Variants in STMN1 observed in about 807,000 individuals in gnomAD.
STMN1 encodes the protein stathmin 1.
Under a neutral mutation model 19.7 loss-of-function variants are expected in STMN1, and 3 were observed. The ratio of observed to expected loss-of-function variants is 0.15; its 90% CI spans 0.07 to 0.39. The LOEUF (loss-of-function observed/expected upper bound fraction) is 0.39. Ranked by LOEUF, STMN1 falls within the 10% of genes least tolerant of loss-of-function variation. The probability of loss-of-function intolerance (pLI) is 1.00; values close to 1 mark genes in which losing one functional copy is unlikely to be tolerated. For synonymous variants in STMN1, 59 were observed against 58.9 expected (o/e 1.00, Z -0.01); for missense variants, 99 against 176.0 (o/e 0.56, Z 2.48).
In STMN1 at chr1:25,900,185, G is replaced by A. The variant is rs2048855035; in HGVS notation, c.*831C>T. 7.1e-6 allele frequency: 7 copies of A among 985,826 alleles called. No individual in the cohort carries two copies. The South Asian group carries it at 3.3e-4, about 46-fold the overall frequency. The allele number at this position is 985,826 out of a possible 1,614,324, so 61.1% of individuals were successfully genotyped here. A position where few individuals can be genotyped will look rare whatever the true frequency, so the allele number is the denominator to read the frequency against. ...TGTCATAGCTTTTATGGCAGGAAAGGATGAGGACATGCCCCACCTGTAACG... is the reference window on the plus strand; with the variant it reads ...TGTCATAGCTTTTATGGCAGGAAAGAATGAGGACATGCCCCACCTGTAACG... On this transcript the variant is annotated 3_prime_UTR_variant, in exon 5 of 5. Transcript: ENST00000455785.
intron 4 of STMN1, 29 bp from the exon 5 acceptor site, chr1:25,901,116 TCAA>T: frequency 6.1e-5 from 59 of 968,578 alleles, no homozygotes; most frequent in Admixed American, 4.1e-4. Context: ...GTGTCATCAG[TCAA>T]AAAAAAAAAA....
At chr1:25,887,384 G>A in intron 4 of STMN1, 1 of 304,420 alleles carries the variant, frequency 3.3e-6, no homozygotes, top group Non-Finnish European at 6.5e-6. Context: ...CAATCCCGAA[G>A]CTTTCCTCAG....
At chr1:25,890,737 C>T (rs1369424891) in intron 4 of STMN1, among the ~76,000 whole-genome samples, 1 of 152,156 alleles carries the variant, frequency 6.6e-6, no homozygotes, top group African/African-American at 2.4e-5. Context: ...CCAGGGTCTA[C>T]GGGACACACC....
downstream of STMN1, among the ~76,000 whole-genome samples, chr1:25,895,576 G>A (rs543270055): frequency 6.6e-5 from 10 of 152,334 alleles, no homozygotes; most frequent in South Asian, 2.1e-3. Context: ...CACAAGTCCC[G>A]CCTCAAGGGG....
chr1:25,905,730 C>T (rs2048935359), intron 1 of STMN1: 1 of 152,244 alleles, frequency 6.6e-6, no homozygotes, highest in Admixed American at 6.6e-5. Flanking sequence ...CCGCCAAAAA[C>T]ACCTCCAGGC....
chr1:25,892,808 T>C (rs1276202199), intron 4 of STMN1, among the ~76,000 whole-genome samples: 1 of 152,158 alleles, frequency 6.6e-6, no homozygotes, highest in Admixed American at 6.5e-5. Context: ...GGTGGGAGCC[T>C]GGGCCTCAGC....
chr1:25,890,076 AT>A lies in STMN1; in HGVS notation c.379-4208del, dbSNP rs548568231. Among the ~76,000 whole-genome samples, 9 of 152,300 alleles carry A rather than the reference AT, an allele frequency of 5.9e-5. No individual in the cohort carries two copies. The East Asian group carries it at 1.7e-3, about 29-fold the overall frequency. ...CCTTGTCTGCCTTGTCCATCGCTGT[AT>A]CCTCAGGACCTAACACTGCCTGGTA... On this transcript the variant is annotated intron_variant, in intron 4 of 4. Transcript: ENST00000426559.
downstream of STMN1, among the ~76,000 whole-genome samples, chr1:25,895,190 C>A (rs2048808363): frequency 6.7e-6 from 1 of 149,632 alleles, no homozygotes; most frequent in Admixed American, 6.7e-5. Context: ...GCAACCTCTA[C>A]CTCCCGGGTT....
At chr1:25,891,777 T>G (rs1191252441) in intron 4 of STMN1, among the ~76,000 whole-genome samples, 3 of 152,108 alleles carry the variant, frequency 2.0e-5, no homozygotes, top group Non-Finnish European at 2.9e-5. Context: ...GAAGAGGATC[T>G]GCCTTCATCT....
chr1:25,904,878 A>T, intron 1 of STMN1, 140 bp from the exon 2 acceptor site: 1 of 498,898 alleles, frequency 2.0e-6, no homozygotes, highest in Non-Finnish European at 3.5e-6. Flanking sequence ...CCACGAAAAA[A>T]ATTATCAAAA....
At chr1:25,895,445 G>C (rs149102966), downstream of STMN1, among the ~76,000 whole-genome samples, 14 of 152,268 alleles carry the variant, frequency 9.2e-5, no homozygotes, top group East Asian at 2.7e-3. Context: ...TGGCTGACTT[G>C]GAGTGATGGA....
intron 1 of STMN1, chr1:25,905,844 TG>T (rs2048937649): frequency 6.6e-6 from 1 of 152,284 alleles, no homozygotes; most frequent in Non-Finnish European, 1.5e-5. Flanking sequence ...GCCGTCCCCA[TG>T]CCCAACCTGC....
At chr1:25,887,965 G>A (rs1391923761) in intron 4 of STMN1, among the ~76,000 whole-genome samples, 2 of 152,172 alleles carry the variant, frequency 1.3e-5, no homozygotes, top group African/African-American at 2.4e-5. Context: ...GATTACAGGC[G>A]TGAGCCACCG....
At chr1:25,902,341 C>T (rs1421565439) in intron 3 of STMN1, 2 of 152,100 alleles carry the variant, frequency 1.3e-5, no homozygotes, top group Admixed American at 1.3e-4. Context: ...TCAAAAGCTA[C>T]CCAAAGAAAA....
chr1:25,904,722 C>G lies in STMN1; in HGVS notation c.-46G>C. The G allele has an allele frequency of 6.2e-7, 1 of 1,607,490 alleles. No homozygotes were observed. The highest frequency in any genetic ancestry group is 2.2e-5 in the East Asian group (1 of 44,746). ...CAGGCAGTGTATTCTGCACAATCAA[C>G]TGGGATAAGGAAAGTCCTGAAAATG... On this transcript the variant is annotated 5_prime_UTR_variant, in exon 2 of 5. Transcript: ENST00000455785.
At chr1:25,885,880 A>G (rs2048717299) in intron 4 of STMN1, 1 of 1,537,984 alleles carries the variant, frequency 6.5e-7, no homozygotes, top group African/African-American at 1.4e-5. Flanking sequence ...CTGGAAGAAA[A>G]AGAAAAATCA....
upstream of STMN1, among the ~76,000 whole-genome samples, chr1:25,906,631 T>C (rs1234131580): frequency 6.6e-6 from 1 of 151,932 alleles, no homozygotes; most frequent in African/African-American, 2.4e-5. This position sits in a 1 kb window ranked among gnomAD's most constrained non-coding sequence, Gnocchi z 4.5. Flanking sequence ...GCAGGGCGCC[T>C]GGGGAGCATC....
chr1:25,886,149 T>C (rs1332518044), intron 4 of STMN1, among the ~76,000 whole-genome samples: 1 of 152,094 alleles, frequency 6.6e-6, no homozygotes, highest in East Asian at 1.9e-4. Context: ...GAGGTGGTGA[T>C]GACCTAGGCT....
At chr1:25,904,157 A>T (rs977428239) in intron 2 of STMN1, among the ~76,000 whole-genome samples, 2 of 151,982 alleles carry the variant, frequency 1.3e-5, no homozygotes, top group Non-Finnish European at 2.9e-5. Context: ...TACAAAAAAA[A>T]TTTTTTTTGA....
Sources: gnomAD v4.1 joint callset for allele counts (sites outside exome capture counted in the v4.1 genomes callset) on GRCh38, gnomAD v4.1.1 for gene constraint, Gnocchi (gnomAD v3.1) non-coding constraint, MANE v1.5 for transcripts, NCBI Gene and HGNC (gene_info 2026-07-23, HGNC 2026-07-21) for gene names.